EFCAB3: variants seen among roughly 807,000 people sequenced by gnomAD.
EFCAB3 encodes the protein EF-hand calcium binding domain 3, also known as EF-hand calcium-binding domain-containing protein 3.
EFCAB3 carries 36 observed loss-of-function variants against 42.2 expected under a neutral mutation model. The ratio of observed to expected loss-of-function variants is 0.85; its 90% CI spans 0.65 to 1.13. EFCAB3 has a LOEUF of 1.13. EFCAB3 is among the 50% of genes most tolerant of loss of function. The pLI is 0.00. For synonymous variants in EFCAB3, 170 were observed against 172.8 expected (o/e 0.98, Z 0.13); for missense variants, 418 against 505.1 (o/e 0.83, Z 1.65).
chr17:62,391,745 T>A, intron 3 of EFCAB3, 77 bp from the exon 4 acceptor site: 1 of 1,409,574 alleles, frequency 7.1e-7, no homozygotes, highest in Non-Finnish European at 9.6e-7. Flanking sequence ...GTCAACTATA[T>A]TGTCTGTCCT....
At chr17:62,382,801 G>A (rs560246693) in intron 1 of EFCAB3, among the ~76,000 whole-genome samples, 162 bp from the exon 2 acceptor site, 4 of 152,246 alleles carry the variant, frequency 2.6e-5, no homozygotes, top group Non-Finnish European at 4.4e-5. Flanking sequence ...TTTCCACATG[G>A]CATTCCAACT....
rs539016092 is a variant in EFCAB3 at position 62,414,997 on chromosome 17, G to T, written c.991-1006G>T. Among the ~76,000 whole-genome samples, 7 of 151,952 alleles carry T rather than the reference G, an allele frequency of 4.6e-5. No individual in the cohort carries two copies. In the East Asian group the frequency reaches 1.4e-3, roughly 29 times the overall value. ...TGGGCGCCTGTAATCCCAGCTACTC[G>T]GGAGGCTGAGGCAGGAGAATCCCTT... On this transcript the variant is annotated intron_variant, in intron 9 of 9. Transcript: ENST00000305286.
At chr17:62,375,372 G>A (rs146710091) in intron 2 of EFCAB3, among the ~76,000 whole-genome samples, 1 of 152,084 alleles carries the variant, frequency 6.6e-6, no homozygotes, top group Non-Finnish European at 1.5e-5. Flanking sequence ...TTTATCCCCA[G>A]CCTTTAAAAT....
upstream of EFCAB3, among the ~76,000 whole-genome samples, chr17:62,378,776 G>C (rs2144051381): frequency 6.6e-6 from 1 of 151,592 alleles, no homozygotes; most frequent in Admixed American, 6.6e-5. Flanking sequence ...GGGGGTAGGG[G>C]GGTGGGGGGC....
intron 2 of EFCAB3, among the ~76,000 whole-genome samples, chr17:62,386,396 A>G (rs7212599): frequency 0.092 from 14,021 of 151,840 alleles, 1,659 homozygotes; most frequent in East Asian, 0.47. Context: ...TCTTTATTTC[A>G]CTCTCTTATA....
At chr17:62,389,812 T>TTTTA (rs1198916255) in intron 3 of EFCAB3, among the ~76,000 whole-genome samples, 1 of 70,608 alleles carries the variant, frequency 1.4e-5, no homozygotes, top group African/African-American at 3.8e-5. Flanking sequence ...ATTATTTAAT[T>TTTTA]TTTATTTATT....
intron 3 of EFCAB3, among the ~76,000 whole-genome samples, chr17:62,391,071 G>T (rs779657400): frequency 5.3e-5 from 8 of 152,074 alleles, no homozygotes; most frequent in African/African-American, 1.9e-4. Context: ...AAACATAACA[G>T]CTTAAAACAA....
rs374557983 is a variant in EFCAB3 at position 62,382,949 on chromosome 17, A to T, written c.-17-14A>T. ...CTGTAAACTGATTTCTTAATTGTAT[A>T]TTCTGAATTCCAGACAGAGTCACTG... On this transcript the variant is annotated splice_polypyrimidine_tract_variant and intron_variant, in intron 1 of 9. Transcript: ENST00000305286. 1 of 1,602,696 alleles carries T rather than the reference A, an allele frequency of 6.2e-7. No homozygotes were observed. The highest frequency in any genetic ancestry group is 2.2e-5 in the East Asian group (1 of 44,798).
chr17:62,416,034 G>A lies in EFCAB3; in HGVS notation c.1022G>A (p.Gly341Glu). ...AGAGCTACTGATACCTATAATTTAGGAATTGCCCTTGAACACCGAAAAGAG... is the reference window on the plus strand; with the variant it reads ...AGAGCTACTGATACCTATAATTTAGAAATTGCCCTTGAACACCGAAAAGAG... ...VKRATDTYNL[G>E]IALEHRKEML... is the part of the protein sequence containing the mutation. Residue 341 changes from glycine to glutamate, a missense_variant, in exon 10 of 10, where the codon GGA becomes GAA. By Grantham distance (98) the Gly-to-Glu change is moderately conservative. Transcript: ENST00000305286. The A allele has an allele frequency of 6.2e-7, 1 of 1,613,608 alleles. No homozygotes were observed. Among genetic ancestry groups the A allele is most frequent in the South Asian group, 1.1e-5 (1 of 91,022 alleles).
intron 1 of EFCAB3, among the ~76,000 whole-genome samples, chr17:62,382,326 G>A (rs1255349229): frequency 6.6e-6 from 1 of 151,738 alleles, no homozygotes; most frequent in Non-Finnish European, 1.5e-5. Context: ...ATTATTTAAG[G>A]TGTACAACTT....
chr17:62,370,379 G>C (rs2070106266), intron 1 of EFCAB3: 3 of 1,526,830 alleles, frequency 2.0e-6, no homozygotes, highest in Non-Finnish European at 2.7e-6. Context: ...TTTGGGCTGG[G>C]CATGGTGATT....
chr17:62,413,795 C>A lies in EFCAB3; in HGVS notation c.931C>A (p.Gln311Lys), dbSNP rs2070520649. 6.2e-7 allele frequency: 1 copy of A among 1,613,610 alleles called. No individual in the cohort carries two copies. Among genetic ancestry groups the A allele is most frequent in the Admixed American group, 1.7e-5 (1 of 59,988 alleles). The change falls in exon 9 of 10, where the codon CAA becomes AAA. Residue 311 changes from glutamine to lysine, a missense_variant. Coordinates refer to ENST00000305286, the MANE Select transcript of EFCAB3 (RefSeq NM_173503.4). The stretch of plus-strand genomic sequence containing the variant: ...TTCAAATAACATCTTCACCATTGAT[C>A]AAATGCTCAAGAAAAAGCAGACTTG... ...GYSNNIFTID[Q>K]MLKKKQTCTV...
In EFCAB3 at chr17:62,391,965, C is replaced by T. The variant is rs61751980; in HGVS notation, c.295C>T (p.Arg99Ter). ...TGAATTGAAATGTGCTGATATTGAT[C>T]GTGAGTCCTTTGGCTTCTCATTGTT... is the stretch of plus-strand genomic sequence containing the variant. ...YNELKCADID[R>*]DGKVNFSDFI... The change falls in exon 4 of 10, where the codon CGA (arginine) becomes TGA (stop). Residue 99 changes from arginine to a stop codon, truncating the protein, a stop_gained and splice_region_variant. Transcript: ENST00000305286. LOFTEE classifies it high-confidence loss of function. 7.4e-3 allele frequency: 11,709 copies of T among 1,592,754 alleles called. 91 individuals are homozygous for T. The highest frequency in any genetic ancestry group is 7.1e-3 in the Non-Finnish European group (8,252 of 1,167,432).
At chr17:62,378,035 A>C (rs1338168457), upstream of EFCAB3, 2 of 1,543,674 alleles carry the variant, frequency 1.3e-6, no homozygotes, top group Non-Finnish European at 1.7e-6. Context: ...GTGAAAGCTG[A>C]TGTGAAGCCA....
At chr17:62,406,985 T>C in intron 7 of EFCAB3, 43 bp from the exon 8 acceptor site, 1 of 1,542,512 alleles carries the variant, frequency 6.5e-7, no homozygotes, top group Non-Finnish European at 8.7e-7. Context: ...GTGAACTTCT[T>C]CTTACATTGT....
At chr17:62,395,264 A>C in intron 6 of EFCAB3, 76 bp downstream of exon 6, 2 of 1,548,934 alleles carry the variant, frequency 1.3e-6, no homozygotes, top group South Asian at 1.2e-5. Context: ...GTCAGCTCCC[A>C]CTAACATCCA....
At chr17:62,376,660 C>T (rs2070153030), upstream of EFCAB3, among the ~76,000 whole-genome samples, 2 of 152,144 alleles carry the variant, frequency 1.3e-5, no homozygotes, top group African/African-American at 4.8e-5. Flanking sequence ...ATTTCCATTT[C>T]ACCATTTCTA....
upstream of EFCAB3, chr17:62,377,878 G>A (rs549492045): frequency 6.9e-6 from 7 of 1,020,508 alleles, no homozygotes; most frequent in South Asian, 1.1e-4. Context: ...ACTCATCTGG[G>A]GAAAAAAATA....
chr17:62,405,537 T>G (rs1248808834), intron 6 of EFCAB3, among the ~76,000 whole-genome samples: 8 of 152,212 alleles, frequency 5.3e-5, no homozygotes, highest in African/African-American at 1.9e-4. Flanking sequence ...TGTGAGAGGT[T>G]CCACTGCCAA....
Sources: allele counts gnomAD v4.1 joint callset (sites outside exome capture counted in the v4.1 genomes callset), GRCh38; gene constraint gnomAD v4.1.1; transcripts MANE v1.5; gene names NCBI Gene and HGNC (gene_info 2026-07-23, HGNC 2026-07-21).